The following GFRAL variants were observed in gnomAD, a reference collection of about 807,000 sequenced individuals.
GFRAL encodes GDNF family receptor alpha-like.
GFRAL carries 36 observed loss-of-function variants against 45.4 expected under a neutral mutation model. That is an observed-to-expected ratio of 0.79 (90% CI 0.61 to 1.05). The LOEUF (loss-of-function observed/expected upper bound fraction) is 1.05. Among genes scored for constraint, GFRAL ranks in the 50% least tolerant of loss-of-function variants. The probability of loss-of-function intolerance (pLI) is 0.00; values close to 1 mark genes in which losing one functional copy is unlikely to be tolerated. For missense variants in GFRAL, 507 were observed against 467.5 expected, an observed-to-expected ratio of 1.08 and a Z score of -0.78; for synonymous variants, 166 against 154.1, an observed-to-expected ratio of 1.08 and a Z score of -0.57.
At chr6:55,366,151 T>A (rs1464981300) in intron 6 of GFRAL, among the ~76,000 whole-genome samples, 1 of 151,982 alleles carries the variant, frequency 6.6e-6, no homozygotes, top group Admixed American at 6.6e-5. Flanking sequence ...ATTCAACATC[T>A]TCCTGGTTTA....
At chr6:55,396,892 T>TTC (rs1768832451) in intron 6 of GFRAL, among the ~76,000 whole-genome samples, 1 of 149,944 alleles carries the variant, frequency 6.7e-6, no homozygotes, top group Non-Finnish European at 1.5e-5. Context: ...TTTTTTTTTT[T>TTC]TCTGGAGTCA....
intron 3 of GFRAL, 107 bp from the exon 4 acceptor site, chr6:55,349,985 T>G: frequency 1.4e-6 from 1 of 708,292 alleles, no homozygotes; most frequent in East Asian, 2.6e-5. Flanking sequence ...TATGTACTTT[T>G]GCTTGAATAT....
rs142438317 is a variant in GFRAL at position 55,346,530 on chromosome 6, C to T, written c.317-3562C>T. 4.5e-3 allele frequency among the ~76,000 whole-genome samples: 690 copies of T among 151,666 alleles called. 7 individuals carry two copies. The highest frequency in any genetic ancestry group is 0.015 in the African/African-American group (618 of 41,328). ...ACACAGGGAGGGGAACATCACACAC[C>T]GGGGCCTGTCGTGGGGTGGTAGGAG... is the stretch of plus-strand genomic sequence containing the variant. On this transcript the variant is annotated intron_variant, in intron 3 of 8. Transcript: ENST00000340465.
At chr6:55,393,167 T>G (rs1028842049) in intron 6 of GFRAL, among the ~76,000 whole-genome samples, 3 of 152,194 alleles carry the variant, frequency 2.0e-5, no homozygotes, top group African/African-American at 7.2e-5. Flanking sequence ...TTTAATCACA[T>G]ATATCCATGT....
At chr6:55,344,245 T>C (rs1254968023) in intron 3 of GFRAL, among the ~76,000 whole-genome samples, 1 of 152,048 alleles carries the variant, frequency 6.6e-6, no homozygotes, top group Non-Finnish European at 1.5e-5. Context: ...AAAAAGAGAA[T>C]TTTAGACCAA....
Position 55,350,025 on chromosome 6 carries a change from C to T in GFRAL, c.317-67C>T, listed in dbSNP as rs996799106. On this transcript the variant is annotated intron_variant, in intron 3 of 8. Coordinates refer to ENST00000340465, the MANE Select transcript of GFRAL (RefSeq NM_207410.2). The stretch of plus-strand genomic sequence containing the variant: ...GGACTTTACTCATTTATAAATGTGG[C>T]CCACGTTTTCCTAGGAAATTCAGAA... The T allele has an allele frequency of 4.4e-6, 4 of 912,960 alleles. No homozygotes were observed. The African/African-American group carries it at 4.9e-5, about 11-fold the overall frequency. 56.6% of individuals were successfully genotyped at this position (912,960 alleles called of 1,614,324 possible). A position where few individuals can be genotyped will look rare whatever the true frequency, so the allele number is the denominator to read the frequency against.
intron 6 of GFRAL, among the ~76,000 whole-genome samples, chr6:55,362,368 G>T (rs1768287492): frequency 6.6e-6 from 1 of 151,870 alleles, no homozygotes; most frequent in South Asian, 2.1e-4. Flanking sequence ...GAACTTCATA[G>T]TTCTGTTCTG....
chr6:55,382,482 T>C (rs919525304), intron 6 of GFRAL, among the ~76,000 whole-genome samples: 2 of 151,968 alleles, frequency 1.3e-5, no homozygotes, highest in African/African-American at 2.4e-5. Flanking sequence ...TAGATATTTC[T>C]TTGGGTTGGG....
At chr6:55,343,508 T>C (rs1767998201) in intron 3 of GFRAL, among the ~76,000 whole-genome samples, 1 of 152,126 alleles carries the variant, frequency 6.6e-6, no homozygotes. Flanking sequence ...TACCAGAATC[T>C]CTAGGACACA....
At chr6:55,397,226 A>T (rs56849733) in intron 6 of GFRAL, among the ~76,000 whole-genome samples, 12,275 of 150,470 alleles carry the variant, frequency 0.082, 736 homozygotes, top group African/African-American at 0.15. Context: ...AAACTATTTT[A>T]AAAAAATGCC....
At chr6:55,365,649 AG>A (rs1223189090) in intron 6 of GFRAL, among the ~76,000 whole-genome samples, 3 of 136,986 alleles carry the variant, frequency 2.2e-5, no homozygotes, top group East Asian at 2.0e-4. Context: ...TTTAGCATGA[AG>A]GGTTGTTGAA....
chr6:55,368,500 T>C (rs894198866), intron 6 of GFRAL, among the ~76,000 whole-genome samples: 7 of 152,130 alleles, frequency 4.6e-5, no homozygotes, highest in African/African-American at 1.7e-4. Flanking sequence ...TGCGTTCCTT[T>C]GGAGGAGGAG....
At chr6:55,388,343 C>T (rs1178074870) in intron 6 of GFRAL, among the ~76,000 whole-genome samples, 1 of 152,140 alleles carries the variant, frequency 6.6e-6, no homozygotes, top group Non-Finnish European at 1.5e-5. Flanking sequence ...ACTCTGTTTG[C>T]TGAGTTTTCT....
chr6:55,395,239 A>G (rs1581762077), intron 6 of GFRAL, among the ~76,000 whole-genome samples: 2 of 150,408 alleles, frequency 1.3e-5, no homozygotes, highest in South Asian at 4.2e-4. Flanking sequence ...GGGTAGCCAT[A>G]AGTGAGTTAT....
chr6:55,338,566 A>G (rs1186910342), intron 3 of GFRAL, among the ~76,000 whole-genome samples: 1 of 152,180 alleles, frequency 6.6e-6, no homozygotes, highest in Non-Finnish European at 1.5e-5. Flanking sequence ...TACACACATA[A>G]TAAGGACACA....
chr6:55,329,378 C>G (rs1321292456), intron 1 of GFRAL, among the ~76,000 whole-genome samples: 2 of 152,006 alleles, frequency 1.3e-5, no homozygotes, highest in African/African-American at 4.8e-5. Context: ...TGTAGTATTT[C>G]TAAGTGATTA....
At chr6:55,370,274 A>G (rs953445133) in intron 6 of GFRAL, among the ~76,000 whole-genome samples, 1 of 152,080 alleles carries the variant, frequency 6.6e-6, no homozygotes, top group East Asian at 1.9e-4. Context: ...CTTTCCCAAT[A>G]CAGAAATTAG....
chr6:55,346,938 G>A (rs1378978608), intron 3 of GFRAL, among the ~76,000 whole-genome samples: 1 of 150,816 alleles, frequency 6.6e-6, no homozygotes, highest in Non-Finnish European at 1.5e-5. Flanking sequence ...TAATATTGGT[G>A]GTAATTAATT....
In GFRAL at chr6:55,370,339, A is replaced by G. The variant is rs1768434636; in HGVS notation, c.952+11201A>G. Among the ~76,000 whole-genome samples, 3 of 152,090 alleles carry G rather than the reference A, an allele frequency of 2.0e-5. No individual in the cohort carries two copies. In the South Asian group the frequency reaches 6.2e-4, roughly 32 times the overall value. ...ATTTTGCCACATTAAAAAAAATCCAATCAATATATTGTTTAGTTTTTCATG... is the reference window on the plus strand; with the variant it reads ...ATTTTGCCACATTAAAAAAAATCCAGTCAATATATTGTTTAGTTTTTCATG... On this transcript the variant is annotated intron_variant, in intron 6 of 8. Coordinates refer to ENST00000340465, the MANE Select transcript of GFRAL (RefSeq NM_207410.2).
Sources: gnomAD v4.1 joint callset for allele counts (sites outside exome capture counted in the v4.1 genomes callset) on GRCh38, gnomAD v4.1.1 for gene constraint, MANE v1.5 for transcripts, NCBI Gene and HGNC (gene_info 2026-07-23, HGNC 2026-07-21) for gene names.